EYA2: variants seen among roughly 807,000 people sequenced by gnomAD.
The protein encoded by EYA2 is EYA transcriptional coactivator and phosphatase 2, also known as protein phosphatase EYA2.
Under a neutral mutation model 69.2 loss-of-function variants are expected in EYA2, and 31 were observed. That is an observed-to-expected ratio of 0.45 (90% confidence interval 0.34 to 0.60). The LOEUF is 0.60. Ranked by LOEUF, EYA2 falls within the 20% of genes least tolerant of loss-of-function variation. EYA2 has a pLI of 0.02. For synonymous variants in EYA2, 257 were observed against 279.4 expected, an observed-to-expected ratio of 0.92 and a Z score of 0.80; for missense variants, 622 against 701.2, an observed-to-expected ratio of 0.89 and a Z score of 1.28.
At chr20:47,018,580 A>C (rs907923672) in intron 5 of EYA2, among the ~76,000 whole-genome samples, 4 of 152,238 alleles carry the variant, frequency 2.6e-5, no homozygotes, top group Admixed American at 6.5e-5. Flanking sequence ...AGGCTGCCAC[A>C]GGAGGGGCCA....
intron 1 of EYA2, among the ~76,000 whole-genome samples, chr20:46,930,509 C>T (rs533387065): frequency 6.6e-6 from 1 of 151,946 alleles, no homozygotes; most frequent in East Asian, 1.9e-4. Context: ...CAGGGTGAGA[C>T]TTCTGTGGGG....
chr20:47,094,237 T>C (rs1462782995), intron 8 of EYA2, among the ~76,000 whole-genome samples: 1 of 152,234 alleles, frequency 6.6e-6, no homozygotes, highest in African/African-American at 2.4e-5. Context: ...TTTTAAAAGT[T>C]CTATTACTGA....
intron 1 of EYA2, among the ~76,000 whole-genome samples, chr20:46,922,270 G>A (rs982050932): frequency 6.6e-6 from 1 of 152,126 alleles, no homozygotes; most frequent in Non-Finnish European, 1.5e-5. Flanking sequence ...ACATCACAGA[G>A]TAATCAGAAG....
At chr20:46,963,547 G>A (rs1318032620) in intron 1 of EYA2, among the ~76,000 whole-genome samples, 1 of 152,166 alleles carries the variant, frequency 6.6e-6, no homozygotes, top group East Asian at 1.9e-4. Flanking sequence ...AATAAAACAG[G>A]GTCATGTGCA....
chr20:46,923,195 CT>C (rs1985257808), intron 1 of EYA2, among the ~76,000 whole-genome samples: 1 of 152,098 alleles, frequency 6.6e-6, no homozygotes, highest in Admixed American at 6.5e-5. Flanking sequence ...TGGTGAAACC[CT>C]GTCTCTACTA....
chr20:47,096,548 AG>A (rs2032252236), intron 8 of EYA2, among the ~76,000 whole-genome samples: 1 of 152,212 alleles, frequency 6.6e-6, no homozygotes, highest in Non-Finnish European at 1.5e-5. Context: ...CTCACATATG[AG>A]AAAAATGTAA....
intron 1 of EYA2, among the ~76,000 whole-genome samples, chr20:46,986,638 A>G (rs1479424148): frequency 6.6e-6 from 1 of 152,104 alleles, no homozygotes; most frequent in East Asian, 1.9e-4. Context: ...TGGCATCAGT[A>G]TCTGTTCCGC....
chr20:46,944,385 G>A lies in EYA2; in HGVS notation c.-10-45616G>A, dbSNP rs756317682. Among the ~76,000 whole-genome samples, 132 of 152,250 alleles carry A rather than the reference G, an allele frequency of 8.7e-4. 1 individual carries two copies. The highest frequency in any genetic ancestry group is 1.4e-3 in the Non-Finnish European group (93 of 68,026). On this transcript the variant is annotated intron_variant, in intron 1 of 15. Coordinates refer to ENST00000327619, the MANE Select transcript of EYA2 (RefSeq NM_005244.5). ...GTAGCTTCGGGGCAGGTGCAGCCTCGGTCTCCTCACCTGGGCAGTGGGAAT... is the reference window on the plus strand; with the variant it reads ...GTAGCTTCGGGGCAGGTGCAGCCTCAGTCTCCTCACCTGGGCAGTGGGAAT...
intron 2 of EYA2, among the ~76,000 whole-genome samples, chr20:46,994,800 G>A (rs1024759867): frequency 2.0e-5 from 3 of 152,006 alleles, no homozygotes; most frequent in African/African-American, 4.8e-5. Context: ...GCCTCCACAG[G>A]TAAAGAGCTT....
Position 47,004,962 on chromosome 20 carries a change from C to T in EYA2, c.176C>T (p.Pro59Leu). Residue 59 changes from proline to leucine, a missense_variant, in exon 4 of 16, where the codon CCC becomes CTC. Coordinates refer to ENST00000327619, the MANE Select transcript of EYA2 (RefSeq NM_005244.5). Reference protein sequence around the residue: ...LFSRSCPRVLPRQPSTAMAAY... With the variant: ...LFSRSCPRVLLRQPSTAMAAY... ...CACAGATCTTGCCCACGTGTCCTCCCCCGCCAGCCTTCCACAGCCATGGCA... is the reference window on the plus strand; with the variant it reads ...CACAGATCTTGCCCACGTGTCCTCCTCCGCCAGCCTTCCACAGCCATGGCA... 1 of 1,614,114 alleles carries T rather than the reference C, an allele frequency of 6.2e-7. No homozygotes were observed. Among genetic ancestry groups the T allele is most frequent in the Non-Finnish European group, 8.5e-7 (1 of 1,180,000 alleles).
intron 1 of EYA2, among the ~76,000 whole-genome samples, chr20:46,934,793 G>T (rs949683911): frequency 1.3e-5 from 2 of 152,200 alleles, no homozygotes; most frequent in African/African-American, 2.4e-5. Context: ...AGGCCCAGAG[G>T]GAGAGAAGTG....
chr20:46,967,482 G>T (rs1042893120), intron 1 of EYA2, among the ~76,000 whole-genome samples: 23 of 152,240 alleles, frequency 1.5e-4, no homozygotes, highest in African/African-American at 5.5e-4. Flanking sequence ...AGGGAGGATG[G>T]TGATAGCAGT....
At chr20:46,931,264 C>T (rs528705619) in intron 1 of EYA2, among the ~76,000 whole-genome samples, 12 of 152,292 alleles carry the variant, frequency 7.9e-5, no homozygotes, top group African/African-American at 2.6e-4. Context: ...AAATGAAGAC[C>T]CCGGCCCAGT....
intron 6 of EYA2, among the ~76,000 whole-genome samples, chr20:47,073,495 G>A (rs964079178): frequency 7.5e-6 from 1 of 132,810 alleles, no homozygotes; most frequent in East Asian, 2.0e-4. Context: ...TGTGTGTCGT[G>A]GGGGGGGGGT....
intron 1 of EYA2, chr20:46,901,564 G>A (rs1381903536): frequency 2.0e-5 from 3 of 152,246 alleles, no homozygotes; most frequent in African/African-American, 7.2e-5. Context: ...GAGAGGCAGG[G>A]TGTCAGCGCA....
At chr20:46,953,301 C>T (rs556385297) in intron 1 of EYA2, among the ~76,000 whole-genome samples, 3 of 152,164 alleles carry the variant, frequency 2.0e-5, no homozygotes, top group African/African-American at 4.8e-5. Flanking sequence ...CGCGGGTTAA[C>T]CCAAGAGTTA....
chr20:47,186,505 G>A (rs1053478743), intron 15 of EYA2, among the ~76,000 whole-genome samples: 1 of 151,808 alleles, frequency 6.6e-6, no homozygotes, highest in Non-Finnish European at 1.5e-5. Flanking sequence ...GATTACAGGT[G>A]GCCACCACCA....
At chr20:46,936,479 T>C (rs1266077298) in intron 1 of EYA2, among the ~76,000 whole-genome samples, 1 of 152,058 alleles carries the variant, frequency 6.6e-6, no homozygotes, top group East Asian at 1.9e-4. Flanking sequence ...TCAATAAAAA[T>C]AAATGAATAA....
intron 11 of EYA2, among the ~76,000 whole-genome samples, chr20:47,170,319 G>C (rs1226160434): frequency 6.6e-6 from 1 of 152,072 alleles, no homozygotes; most frequent in Non-Finnish European, 1.5e-5. Context: ...CCAGGACATG[G>C]CTTCCAGGAA....
Sources: allele counts gnomAD v4.1 joint callset (sites outside exome capture counted in the v4.1 genomes callset), GRCh38; gene constraint gnomAD v4.1.1; transcripts MANE v1.5; gene names NCBI Gene and HGNC (gene_info 2026-07-23, HGNC 2026-07-21).